The following LAMA5 variants were observed in gnomAD, a reference collection of about 807,000 sequenced individuals.
The protein encoded by LAMA5 is laminin subunit alpha-5.
LAMA5 carries 260 observed loss-of-function variants against 433.4 expected under a neutral mutation model. That is an observed-to-expected ratio of 0.60 (90% CI 0.54 to 0.66). LAMA5 has a LOEUF of 0.66. Ranked by LOEUF, LAMA5 falls within the 30% of genes least tolerant of loss-of-function variation. The pLI, the probability that LAMA5 is intolerant of heterozygous loss-of-function variation, is 0.00. For synonymous variants in LAMA5, 2,620 were observed against 2,226.6 expected, an observed-to-expected ratio of 1.18 and a Z score of -4.97; for missense variants, 5,378 against 5,258.5, an observed-to-expected ratio of 1.02 and a Z score of -0.70.
intron 47 of LAMA5, 26 bp downstream of exon 47, chr20:62,322,214 AGCGTACCCCACTCAGAAGTCCCCATCCGC>A: frequency 6.4e-7 from 1 of 1,562,422 alleles, no homozygotes; most frequent in East Asian, 2.3e-5. Flanking sequence ...GGGACCTTGG[AGCGTACCCCACTCAGAAGTCCCCATCCGC>A]CCTCCTGTGA....
chr20:62,318,661 C>A lies in LAMA5; in HGVS notation c.7043-11G>T. 1 of 1,608,596 alleles carries A rather than the reference C, an allele frequency of 6.2e-7. No individual in the cohort carries two copies. The highest frequency in any genetic ancestry group is 8.5e-7 in the Non-Finnish European group (1 of 1,178,152). ...GCACCCGGGCCAGCACTAGCCGAGA[C>A]CAGGGTGAGGGTGGTCACTCTGGAA... is the stretch of plus-strand genomic sequence containing the variant. On this transcript the variant is annotated splice_polypyrimidine_tract_variant and intron_variant, in intron 52 of 79. Coordinates refer to ENST00000252999, the MANE Select transcript of LAMA5 (RefSeq NM_005560.6).
In LAMA5 at chr20:62,312,312, C is replaced by T; in HGVS notation, c.9365G>A (p.Gly3122Glu). Residue 3122 changes from glycine (G) to glutamate (E), a missense_variant, in exon 69 of 80, where the codon GGG becomes GAG. Physicochemically the swap from Gly to Glu is moderately conservative, Grantham distance 98. Transcript: ENST00000252999. The stretch of plus-strand genomic sequence containing the variant: ...GTGGCCATGGAAAGTCATGGCGCGC[C>T]CCACCTGCGGGGAGGCCATCCCTGA... The part of the protein sequence containing the change: ...SAGCTADLLV[G>E]RAMTFHGHGF... The T allele has an allele frequency of 1.2e-6, 2 of 1,609,308 alleles. No individual in the cohort carries two copies. Among genetic ancestry groups the T allele is most frequent in the Non-Finnish European group, 1.7e-6 (2 of 1,179,362 alleles).
intron 62 of LAMA5, 126 bp from the exon 63 acceptor site, chr20:62,313,928 C>G (rs1420714240): frequency 1.3e-6 from 1 of 775,390 alleles, no homozygotes; most frequent in Non-Finnish European, 1.8e-6. Context: ...CACGGAGAGA[C>G]GAGGGGTGGC....
At chr20:62,332,036 A>G (rs1223952583) in intron 28 of LAMA5, among the ~76,000 whole-genome samples, 11 of 150,574 alleles carry the variant, frequency 7.3e-5, no homozygotes, top group Non-Finnish European at 1.6e-4. Flanking sequence ...TGGGCGACAG[A>G]GTGAGACTCC....
chr20:62,320,488 TGAG>T (rs1321073901), intron 50 of LAMA5, 68 bp downstream of exon 50: 5 of 1,174,864 alleles, frequency 4.3e-6, no homozygotes, highest in African/African-American at 3.0e-5. Flanking sequence ...ATCTGCTGAA[TGAG>T]GACAAGCGAA....
chr20:62,326,666 G>C lies in LAMA5; in HGVS notation c.5298+11C>G. ...ATGAGGGACCTGGGTGCCCAAGCCA[G>C]CTCCCCTCACCTCCACCAGCTGCAG... is the stretch of plus-strand genomic sequence containing the variant. On this transcript the variant is annotated intron_variant, in intron 40 of 79. Transcript: ENST00000252999. The C allele has an allele frequency of 1.9e-6, 3 of 1,609,568 alleles. No homozygotes were observed. The highest frequency in any genetic ancestry group is 2.5e-6 in the Non-Finnish European group (3 of 1,177,910).
intron 6 of LAMA5, chr20:62,351,405 G>A (rs1984266479): frequency 1.8e-6 from 1 of 544,592 alleles, no homozygotes. Flanking sequence ...ACTATGGTGG[G>A]AAGGCCAGCT....
intron 32 of LAMA5, 26 bp from the exon 33 acceptor site, chr20:62,329,279 C>A: frequency 6.4e-7 from 1 of 1,558,620 alleles, no homozygotes; most frequent in Non-Finnish European, 8.8e-7. Context: ...TGGTCACTCT[C>A]CCGCGGGCCC....
rs1487777506 is a variant in LAMA5, at chr20:62,346,518, G to A, written c.1270C>T (p.His424Tyr). Residue 424 changes from histidine (H) to tyrosine (Y), a missense_variant, in exon 9 of 80, where the codon CAC (histidine) becomes TAC (tyrosine). Coordinates refer to ENST00000252999, the MANE Select transcript of LAMA5 (RefSeq NM_005560.6). ...RSPNHPLDSP[H>Y]VCRRCNCESD... ...TGAGCCCACTCACGGCGGCAGACGT[G>A]GGGCGAGTCGAGAGGGTGGTTGGGA... 6.4e-7 allele frequency: 1 copy of A among 1,551,676 alleles called. No homozygotes were observed. The highest frequency in any genetic ancestry group is 1.2e-5 in the South Asian group (1 of 84,228).
intron 23 of LAMA5, 23 bp from the exon 24 acceptor site, chr20:62,333,729 C>A (rs1423336068): frequency 3.2e-6 from 5 of 1,557,488 alleles, no homozygotes; most frequent in African/African-American, 2.7e-5. Flanking sequence ...AGGGGTGAGA[C>A]TCCTGAGCCC....
chr20:62,345,884 G>A lies in LAMA5; in HGVS notation c.1418-7C>T. 1 of 1,555,106 alleles carries A rather than the reference G, an allele frequency of 6.4e-7. No homozygotes were observed. The highest frequency in any genetic ancestry group is 8.7e-7 in the Non-Finnish European group (1 of 1,149,238). ...TTGGAGGACGAGGGCGTCGCTGAGG[G>A]GAAGAGACACGCATGTTGGCCAGGT... On this transcript the variant is annotated splice_region_variant and splice_polypyrimidine_tract_variant and intron_variant, in intron 10 of 79. Transcript: ENST00000252999.
At chr20:62,340,976 T>C (rs1012698723) in intron 11 of LAMA5, among the ~76,000 whole-genome samples, 2 of 151,904 alleles carry the variant, frequency 1.3e-5, no homozygotes, top group African/African-American at 2.4e-5. Context: ...GAGGTGGTGG[T>C]TGCAGTGAGC....
intron 2 of LAMA5, among the ~76,000 whole-genome samples, chr20:62,361,501 CCTCTAT>C (rs1986126895): frequency 6.6e-6 from 1 of 152,228 alleles, no homozygotes; most frequent in Non-Finnish European, 1.5e-5. Context: ...AGGGAGACCT[CCTCTAT>C]CTCTAACACC....
In LAMA5 at chr20:62,312,511, G is replaced by A. The variant is rs182957711; in HGVS notation, c.9249C>T (p.Thr3083=). The A allele has an allele frequency of 4.3e-5, 68 of 1,598,982 alleles. No homozygotes were observed. Among genetic ancestry groups the A allele is most frequent in the Middle Eastern group, 3.3e-4 (2 of 6,058 alleles). The stretch of plus-strand genomic sequence containing the variant: ...TGACGCAGCCACGGACTGAGCCTCC[G>A]GTGGGGAAGAGCCGTCGCAGGCTGT... The part of the protein sequence containing the change: ...LPPSLRRLFP[T]GGSVRGCVKG... The change falls in exon 68 of 80, where the codon ACC becomes ACT. Residue 3083 remains threonine (T), a synonymous_variant. Transcript: ENST00000252999.
chr20:62,349,934 G>A (rs1387213307), intron 6 of LAMA5, among the ~76,000 whole-genome samples: 2 of 150,852 alleles, frequency 1.3e-5, no homozygotes, highest in Non-Finnish European at 1.5e-5. Flanking sequence ...CTGATGACAT[G>A]GAGCCCCCTT....
Position 62,311,556 on chromosome 20 carries a change from G to T in LAMA5, c.9807-20C>A. ...AGGAGCCTGTGCAGGGCGGGCAGGCGGTCAGCAGCTGCGGAAGGCCAGCTG... is the reference window on the plus strand; with the variant it reads ...AGGAGCCTGTGCAGGGCGGGCAGGCTGTCAGCAGCTGCGGAAGGCCAGCTG... On this transcript the variant is annotated intron_variant, in intron 71 of 79. Coordinates refer to ENST00000252999, the MANE Select transcript of LAMA5 (RefSeq NM_005560.6). 1 of 1,609,986 alleles carries T rather than the reference G, an allele frequency of 6.2e-7. No homozygotes were observed. The highest frequency in any genetic ancestry group is 8.5e-7 in the Non-Finnish European group (1 of 1,178,568).
At chr20:62,334,457 G>A (rs955593192) in intron 21 of LAMA5, 65 bp downstream of exon 21, 151 of 1,515,280 alleles carry the variant, frequency 1.0e-4, no homozygotes, top group Middle Eastern at 2.3e-4. Flanking sequence ...TGAGGGACAC[G>A]GAGAGGCCCG....
chr20:62,328,494 CT>C, intron 34 of LAMA5, 49 bp from the exon 35 acceptor site: 3 of 1,440,554 alleles, frequency 2.1e-6, no homozygotes, highest in Non-Finnish European at 2.8e-6. Flanking sequence ...AGTCCCGCCC[CT>C]CTCAGAGGCC....
chr20:62,322,284 C>T lies in LAMA5; in HGVS notation c.6331G>A (p.Glu2111Lys). 1 of 1,598,330 alleles carries T rather than the reference C, an allele frequency of 6.3e-7. No homozygotes were observed. Among genetic ancestry groups the T allele is most frequent in the Non-Finnish European group, 8.5e-7 (1 of 1,175,280 alleles). ...CAGCACTCACGCCTGCAGCCCTGCT[C>T]AGGGAGCCCCCAGTAGCCAGGGGCA... Reference protein sequence around the residue: ...ECAPGYWGLPEQGCRRCQCPG... With the variant: ...ECAPGYWGLPKQGCRRCQCPG... The change falls in exon 47 of 80, where the codon GAG (glutamate) becomes AAG (lysine). Residue 2111 changes from glutamate to lysine, a missense_variant. Transcript: ENST00000252999.
Sources: gnomAD v4.1 joint callset for allele counts (sites outside exome capture counted in the v4.1 genomes callset) on GRCh38, gnomAD v4.1.1 for gene constraint, MANE v1.5 for transcripts, NCBI Gene and HGNC (gene_info 2026-07-23, HGNC 2026-07-21) for gene names.